The following IQCH variants were observed in gnomAD, a reference collection of about 807,000 sequenced individuals.
IQCH encodes the protein IQ motif containing H, also known as IQ domain-containing protein H.
A neutral mutation model predicts 117.0 loss-of-function variants in IQCH; 98 were observed. The observed-to-expected ratio is 0.84, with a 90% CI of 0.71 to 0.99. The LOEUF is 0.99. IQCH is among the 50% of genes least tolerant of loss of function. The probability of loss-of-function intolerance (pLI) is 0.00; values close to 1 mark genes in which losing one functional copy is unlikely to be tolerated. For synonymous variants in IQCH, 412 were observed against 448.2 expected, an observed-to-expected ratio of 0.92 and a Z score of 1.02; for missense variants, 1,102 against 1,243.8, an observed-to-expected ratio of 0.89 and a Z score of 1.72.
intron 5 of IQCH, 107 bp from the exon 6 acceptor site, chr15:67,343,956 C>A: frequency 1.1e-6 from 1 of 948,900 alleles, no homozygotes; most frequent in Non-Finnish European, 1.6e-6. Flanking sequence ...TGTACCCTCA[C>A]AAATAAGATG....
intron 4 of IQCH, among the ~76,000 whole-genome samples, chr15:67,317,095 T>C (rs1476768377): frequency 6.6e-6 from 1 of 152,250 alleles, no homozygotes; most frequent in African/African-American, 2.4e-5. Flanking sequence ...TCAGATGTAA[T>C]GTCCAACCTT....
chr15:67,383,426 TC>T (rs961438300), intron 10 of IQCH, among the ~76,000 whole-genome samples: 1 of 152,170 alleles, frequency 6.6e-6, no homozygotes, highest in African/African-American at 2.4e-5. Context: ...TGATCAGACA[TC>T]TTTTATATTT....
chr15:67,500,800 A>T lies in IQCH; in HGVS notation c.*54A>T. On this transcript the variant is annotated 3_prime_UTR_variant, in exon 21 of 21. Transcript: ENST00000335894. The surrounding 1 kb of genome is among the most constrained non-coding windows in gnomAD (Gnocchi z 4.4). ...ATCCCAGTCTGGAATAAAAAGGGCA[A>T]TTTTTTTTTCTGTTAGAAATAAAAG... 5 of 891,844 alleles carry T rather than the reference A, an allele frequency of 5.6e-6. No homozygotes were observed. The highest frequency in any genetic ancestry group is 8.5e-6 in the Non-Finnish European group (5 of 588,406). 55.2% of individuals were successfully genotyped at this position (891,844 alleles called of 1,614,324 possible).
At chr15:67,367,725 A>C (rs1970385141) in intron 8 of IQCH, among the ~76,000 whole-genome samples, 1 of 152,060 alleles carries the variant, frequency 6.6e-6, no homozygotes, top group Non-Finnish European at 1.5e-5. Context: ...GGTAGGGGTC[A>C]GCATGAGGTA....
intron 6 of IQCH, among the ~76,000 whole-genome samples, chr15:67,345,051 G>A (rs905890614): frequency 9.9e-5 from 15 of 152,208 alleles, no homozygotes; most frequent in East Asian, 3.9e-4. Context: ...GTGCAATGGC[G>A]CAATCTTGGC....
At chr15:67,308,001 G>A (rs979198585) in intron 4 of IQCH, among the ~76,000 whole-genome samples, 2 of 152,156 alleles carry the variant, frequency 1.3e-5, no homozygotes, top group Non-Finnish European at 2.9e-5. Flanking sequence ...GCTTCTGTAC[G>A]TATCAGCATT....
chr15:67,410,650 G>A (rs56384175), intron 14 of IQCH, among the ~76,000 whole-genome samples: 1 of 152,224 alleles, frequency 6.6e-6, no homozygotes, highest in African/African-American at 2.4e-5. Context: ...TTGCAGCTGA[G>A]TTGGGGGGCA....
chr15:67,434,742 C>T (rs1007880087), intron 16 of IQCH, among the ~76,000 whole-genome samples: 2 of 151,662 alleles, frequency 1.3e-5, no homozygotes, highest in African/African-American at 4.8e-5. Flanking sequence ...TCCCTTTCTC[C>T]ACATTCTCAC....
At chr15:67,272,322 G>A (rs1965931243) in intron 3 of IQCH, among the ~76,000 whole-genome samples, 1 of 152,080 alleles carries the variant, frequency 6.6e-6, no homozygotes, top group Admixed American at 6.6e-5. Flanking sequence ...GTGTTTTGTG[G>A]CCTAAGACAT....
chr15:67,418,358 A>G (rs1177493604), intron 15 of IQCH, among the ~76,000 whole-genome samples: 1 of 152,090 alleles, frequency 6.6e-6, no homozygotes, highest in Non-Finnish European at 1.5e-5. Flanking sequence ...AGATTGCTGG[A>G]AAGAGATTCT....
intron 4 of IQCH, among the ~76,000 whole-genome samples, chr15:67,306,409 A>G (rs1255011603): frequency 6.6e-6 from 1 of 152,130 alleles, no homozygotes; most frequent in Non-Finnish European, 1.5e-5. Context: ...AAACACTCAA[A>G]CGGGATTATT....
At position 67,453,720 on chromosome 15, in the gene IQCH, C is replaced by T. The variant is rs950046980; in HGVS notation, c.2506-11407C>T. On this transcript the variant is annotated intron_variant, in intron 16 of 20. Coordinates refer to ENST00000335894, the MANE Select transcript of IQCH (RefSeq NM_001031715.3). This position sits in a 1 kb window ranked among gnomAD's most constrained non-coding sequence, Gnocchi z 5.8. ...CTGCCCGTTCTCAGATCTCAAGCTG[C>T]ATGCTGGGAGAACCACTACTCTTCA... Among the ~76,000 whole-genome samples, 2 of 152,220 alleles carry T rather than the reference C, an allele frequency of 1.3e-5. No homozygotes were observed. The highest frequency in any genetic ancestry group is 1.3e-4 in the Admixed American group (2 of 15,288).
At chr15:67,352,369 A>T (rs1415024326) in intron 6 of IQCH, among the ~76,000 whole-genome samples, 1 of 152,062 alleles carries the variant, frequency 6.6e-6, no homozygotes, top group Non-Finnish European at 1.5e-5. Flanking sequence ...AATTTGTTAT[A>T]TTAGCCAACA....
intron 16 of IQCH, among the ~76,000 whole-genome samples, chr15:67,442,365 AC>A (rs1461924394): frequency 6.6e-6 from 1 of 151,974 alleles, no homozygotes; most frequent in Admixed American, 6.6e-5. Context: ...AGCCAAGATC[AC>A]GCCATTGCAC....
At position 67,432,775 on chromosome 15, in the gene IQCH, T is replaced by A. The variant is rs560506358; in HGVS notation, c.2505+11198T>A. On this transcript the variant is annotated intron_variant, in intron 16 of 20. Transcript: ENST00000335894. This position sits in a 1 kb window ranked among gnomAD's most constrained non-coding sequence, Gnocchi z 5.0. ...CCAAAGTCTACAGAAATATCATAAT[T>A]CCTTCTTGTTCACTGCTGTATACCC... Among the ~76,000 whole-genome samples the A allele has an allele frequency of 2.0e-5, 3 of 152,300 alleles. No homozygotes were observed. The East Asian group carries it at 5.8e-4, about 29-fold the overall frequency.
At chr15:67,363,876 T>G (rs1970238415) in intron 8 of IQCH, among the ~76,000 whole-genome samples, 1 of 152,244 alleles carries the variant, frequency 6.6e-6, no homozygotes, top group African/African-American at 2.4e-5. Flanking sequence ...TTGCTTCAAA[T>G]AACATGACCT....
intron 16 of IQCH, among the ~76,000 whole-genome samples, chr15:67,460,412 C>G (rs2082762883): frequency 6.6e-6 from 1 of 152,180 alleles, no homozygotes; most frequent in Non-Finnish European, 1.5e-5. Flanking sequence ...TTCTATCCTC[C>G]TTTTGCTGTT....
rs764065506 is a variant in IQCH, at chr15:67,461,369, C to T, written c.2506-3758C>T. ...CTAAAAGTTACGGAAGAGGAGTTCA[C>T]AGTGAAACACTGGAATTGCGAATGC... On this transcript the variant is annotated intron_variant, in intron 16 of 20. Transcript: ENST00000335894. Among the ~76,000 whole-genome samples the T allele has an allele frequency of 2.0e-4, 30 of 152,194 alleles. 1 individual carries two copies. Among genetic ancestry groups the T allele is most frequent in the Admixed American group, 6.5e-4 (10 of 15,284 alleles).
Position 67,467,358 on chromosome 15 carries a change from C to T in IQCH, c.2676+2061C>T, listed in dbSNP as rs2082961539. ...TGTGCTTTGAGTGAGAAGCACTCTT[C>T]CATTTTCCCCATGTTGCCTATAGGT... On this transcript the variant is annotated intron_variant, in intron 17 of 20. Transcript: ENST00000335894. This position sits in a 1 kb window ranked among gnomAD's most constrained non-coding sequence, Gnocchi z 5.7. Among the ~76,000 whole-genome samples, 1 of 152,210 alleles carries T rather than the reference C, an allele frequency of 6.6e-6. No individual in the cohort carries two copies. The highest frequency in any genetic ancestry group is 2.4e-5 in the African/African-American group (1 of 41,450).
Sources: gnomAD v4.1 joint callset for allele counts (sites outside exome capture counted in the v4.1 genomes callset) on GRCh38, gnomAD v4.1.1 for gene constraint, Gnocchi (gnomAD v3.1) non-coding constraint, MANE v1.5 for transcripts, NCBI Gene and HGNC (gene_info 2026-07-23, HGNC 2026-07-21) for gene names.